Variants in KCNK3 observed in about 807,000 individuals in gnomAD.
KCNK3 encodes potassium two pore domain channel subfamily K member 3, also known as potassium channel subfamily K member 3.
A neutral mutation model predicts 27.3 loss-of-function variants in KCNK3; 9 were observed. The ratio of observed to expected loss-of-function variants is 0.33; its 90% CI spans 0.20 to 0.57. The LOEUF is 0.57. Ranked by LOEUF, KCNK3 falls within the 20% of genes least tolerant of loss-of-function variation. The probability of loss-of-function intolerance (pLI) is 0.87; values close to 1 mark genes in which losing one functional copy is unlikely to be tolerated. For synonymous variants in KCNK3, 278 were observed against 273.8 expected, an observed-to-expected ratio of 1.02 and a Z score of -0.15; for missense variants, 391 against 577.7, an observed-to-expected ratio of 0.68 and a Z score of 3.31.
In KCNK3 at chr2:26,728,178, G is replaced by A. The variant is rs768750125; in HGVS notation, c.795G>A (p.Thr265=). The change falls in exon 2 of 2, where the codon ACG becomes ACA. Residue 265 remains threonine (T), a synonymous_variant. Transcript: ENST00000302909. ...ACGCCGAGCACCGCGCGCTGCTCAC[G>A]CGCAACGGGCAGGCGGGCGGCGGCG... ...KRDAEHRALL[T]RNGQAGGGGG... is the part of the protein sequence containing the mutation. 5 of 1,572,266 alleles carry A rather than the reference G, an allele frequency of 3.2e-6. No individual in the cohort carries two copies. Among genetic ancestry groups the A allele is most frequent in the Admixed American group, 3.7e-5 (2 of 53,868 alleles).
intron 1 of KCNK3, among the ~76,000 whole-genome samples, chr2:26,722,296 C>T (rs1663341925): frequency 6.6e-6 from 1 of 152,202 alleles, no homozygotes; most frequent in African/African-American, 2.4e-5. Flanking sequence ...AGAAAAATAA[C>T]TTGAGTAAAC....
At chr2:26,694,996 A>G (rs961285027) in intron 1 of KCNK3, among the ~76,000 whole-genome samples, 1 of 152,018 alleles carries the variant, frequency 6.6e-6, no homozygotes, top group Non-Finnish European at 1.5e-5. Context: ...CACCAAACCA[A>G]TTCCCTTCTT....
At position 26,702,278 on chromosome 2, in the gene KCNK3, TA is replaced by T. The variant is rs1670317653; in HGVS notation, c.283+9121del. ...ACCAGACACTCACCCTGCTGCAGGC[TA>T]CAGTGTGGAATGCAGATAGTAGCAC... On this transcript the variant is annotated intron_variant, in intron 1 of 1. Coordinates refer to ENST00000302909, the MANE Select transcript of KCNK3 (RefSeq NM_002246.3). Among the ~76,000 whole-genome samples the T allele has an allele frequency of 3.9e-5, 6 of 152,318 alleles. No homozygotes were observed. The South Asian group carries it at 1.2e-3, about 32-fold the overall frequency.
intron 1 of KCNK3, among the ~76,000 whole-genome samples, chr2:26,718,327 A>C (rs77934708): frequency 0.013 from 2,024 of 151,982 alleles, 62 homozygotes; most frequent in African/African-American, 0.047. Context: ...TCCTGAACCC[A>C]CCCTTGAAAG....
chr2:26,707,542 G>A (rs913286311), intron 1 of KCNK3, among the ~76,000 whole-genome samples: 10 of 152,194 alleles, frequency 6.6e-5, no homozygotes, highest in Non-Finnish European at 1.3e-4. Context: ...CAGGGTCAGG[G>A]CTTAGCCCTG....
intron 1 of KCNK3, among the ~76,000 whole-genome samples, chr2:26,698,704 A>G (rs1293515542): frequency 6.6e-6 from 1 of 151,998 alleles, no homozygotes; most frequent in Non-Finnish European, 1.5e-5. Context: ...CTTTCCCCTT[A>G]TCTTCCCAAT....
At chr2:26,724,244 G>A (rs930356794) in intron 1 of KCNK3, among the ~76,000 whole-genome samples, 6 of 152,240 alleles carry the variant, frequency 3.9e-5, no homozygotes, top group African/African-American at 1.4e-4. Flanking sequence ...CCCTAAGCCG[G>A]ATACTTGGAG....
chr2:26,714,683 C>T (rs955512739), intron 1 of KCNK3, among the ~76,000 whole-genome samples: 9 of 151,394 alleles, frequency 5.9e-5, no homozygotes, highest in South Asian at 2.1e-4. Flanking sequence ...GTCAGGAGTT[C>T]GAGACCAGCC....
intron 1 of KCNK3, among the ~76,000 whole-genome samples, chr2:26,697,810 G>A (rs1308661079): frequency 6.6e-6 from 1 of 152,102 alleles, no homozygotes; most frequent in Non-Finnish European, 1.5e-5. Context: ...GCTCAGCTGA[G>A]CACCACCTCC....
chr2:26,705,736 C>T (rs1670364605), intron 1 of KCNK3, among the ~76,000 whole-genome samples: 2 of 152,170 alleles, frequency 1.3e-5, no homozygotes, highest in African/African-American at 2.4e-5. Context: ...TTTGTCCACA[C>T]CATCCCACTG....
At chr2:26,716,646 C>T (rs1001245754) in intron 1 of KCNK3, among the ~76,000 whole-genome samples, 21 of 152,248 alleles carry the variant, frequency 1.4e-4, no homozygotes, top group African/African-American at 4.8e-4. Context: ...ACACCATGTC[C>T]GCAGCCAGGT....
At chr2:26,701,226 CT>C (rs1220331981) in intron 1 of KCNK3, among the ~76,000 whole-genome samples, 3 of 152,216 alleles carry the variant, frequency 2.0e-5, no homozygotes, top group African/African-American at 7.2e-5. Flanking sequence ...CCTTGGGAAT[CT>C]GGTGGTAAAA....
rs1663331852 is a variant in KCNK3 at position 26,721,760 on chromosome 2, A to C, written c.284-5907A>C. Among the ~76,000 whole-genome samples the C allele has an allele frequency of 6.6e-6, 1 of 152,214 alleles. No homozygotes were observed. Among genetic ancestry groups the C allele is most frequent in the African/African-American group, 2.4e-5 (1 of 41,450 alleles). On this transcript the variant is annotated intron_variant, in intron 1 of 1. Transcript: ENST00000302909. This position sits in a 1 kb window ranked among gnomAD's most constrained non-coding sequence, Gnocchi z 4.3. ...CAAGCCACACTGAGGTCACTTCGGC[A>C]TCAGCCCAGAGTTCACGGCCTTTGG...
At chr2:26,726,875 C>A (rs562779604) in intron 1 of KCNK3, among the ~76,000 whole-genome samples, 1 of 152,280 alleles carries the variant, frequency 6.6e-6, no homozygotes, top group Non-Finnish European at 1.5e-5. Context: ...AAGGGTAACA[C>A]CACCTCCCCA....
chr2:26,693,123 C>A lies in KCNK3; in HGVS notation c.248C>A (p.Ser83Tyr). The change falls in exon 1 of 2, where the codon TCC (serine) becomes TAC (tyrosine). Residue 83 changes from serine to tyrosine, a missense_variant. This residue lies in a region of KCNK3 where 158 missense variants were observed against 267.7 expected (regional missense o/e 0.59). Coordinates refer to ENST00000302909, the MANE Select transcript of KCNK3 (RefSeq NM_002246.3). The surrounding 1 kb of genome is among the most constrained non-coding windows in gnomAD (Gnocchi z 5.5). ...KAGVQWRFAGSFYFAITVITT... is the reference protein window; with the variant it reads ...KAGVQWRFAGYFYFAITVITT... ...GGCGTGCAGTGGCGCTTCGCCGGCT[C>A]CTTCTACTTCGCCATCACCGTCATC... The A allele has an allele frequency of 6.3e-7, 1 of 1,578,366 alleles. No individual in the cohort carries two copies. Among genetic ancestry groups the A allele is most frequent in the Non-Finnish European group, 8.6e-7 (1 of 1,160,650 alleles).
chr2:26,700,902 T>C (rs1043150790), intron 1 of KCNK3, among the ~76,000 whole-genome samples: 2 of 152,170 alleles, frequency 1.3e-5, no homozygotes, highest in Non-Finnish European at 2.9e-5. Context: ...GAGGAAGCAG[T>C]CCACAGAGGG....
intron 1 of KCNK3, among the ~76,000 whole-genome samples, chr2:26,696,998 T>C (rs748877307): frequency 3.3e-5 from 5 of 152,194 alleles, no homozygotes; most frequent in Non-Finnish European, 7.4e-5. Context: ...ACTAGACGCT[T>C]CATTTGTACC....
rs781570652 is a variant in KCNK3 at position 26,727,884 on chromosome 2, C to T, written c.501C>T (p.Cys167=). Residue 167 remains cysteine, a synonymous_variant, in exon 2 of 2, where the codon TGC becomes TGT. Transcript: ENST00000302909. ...ANMVLIGFFS[C]ISTLCIGAAA... ...TGGTGCTCATCGGCTTCTTCTCGTG[C>T]ATCAGCACGCTGTGCATCGGCGCCG... 4.5e-5 allele frequency: 73 copies of T among 1,614,092 alleles called. No homozygotes were observed. The Middle Eastern group carries it at 4.9e-4, about 11-fold the overall frequency.
chr2:26,701,392 G>A (rs1670306151), intron 1 of KCNK3, among the ~76,000 whole-genome samples: 1 of 152,178 alleles, frequency 6.6e-6, no homozygotes, highest in African/African-American at 2.4e-5. Flanking sequence ...GAAGGTGGAT[G>A]GAAAGGGAGG....
Sources: allele counts gnomAD v4.1 joint callset (sites outside exome capture counted in the v4.1 genomes callset), GRCh38; gene constraint gnomAD v4.1.1; regional missense constraint gnomAD v4.1.1; non-coding constraint Gnocchi (gnomAD v3.1); transcripts MANE v1.5; gene names NCBI Gene and HGNC (gene_info 2026-07-23, HGNC 2026-07-21).